The following CFAP299 variants were observed in gnomAD, a reference collection of about 807,000 sequenced individuals.
The protein encoded by CFAP299 is cilia and flagella associated protein 299.
A neutral mutation model predicts 27.0 loss-of-function variants in CFAP299; 21 were observed. The ratio of observed to expected loss-of-function variants is 0.78; its 90% confidence interval spans 0.55 to 1.12. CFAP299 has a LOEUF of 1.12. Ranked by LOEUF, CFAP299 falls within the 50% of genes most tolerant of loss-of-function variation. The probability of loss-of-function intolerance (pLI) is 0.00; values close to 1 mark genes in which losing one functional copy is unlikely to be tolerated. For synonymous variants in CFAP299, 104 were observed against 98.1 expected (o/e 1.06, Z -0.36); for missense variants, 310 against 276.6 (o/e 1.12, Z -0.86).
intron 3 of CFAP299, among the ~76,000 whole-genome samples, chr4:80,594,091 C>T (rs1255770571): frequency 6.6e-6 from 1 of 152,140 alleles, no homozygotes; most frequent in Admixed American, 6.6e-5. Context: ...TTACTATTTA[C>T]ACATGCTAGG....
chr4:80,475,288 T>C (rs1164528036), intron 2 of CFAP299, among the ~76,000 whole-genome samples: 1 of 152,106 alleles, frequency 6.6e-6, no homozygotes, highest in Non-Finnish European at 1.5e-5. Flanking sequence ...AATGTGCAGA[T>C]TATGGGGAGA....
chr4:80,339,040 G>A (rs1258940060), intron 1 of CFAP299, among the ~76,000 whole-genome samples: 2 of 152,164 alleles, frequency 1.3e-5, no homozygotes, highest in Non-Finnish European at 2.9e-5. Flanking sequence ...GCAGGGGGCT[G>A]GAAGGAAGTG....
rs1469620811 is a variant in CFAP299 at position 80,881,831 on chromosome 4, A to G, written c.476+11696A>G. Among the ~76,000 whole-genome samples, 7 of 152,338 alleles carry G rather than the reference A, an allele frequency of 4.6e-5. No homozygotes were observed. In the South Asian group the frequency reaches 8.3e-4, roughly 18 times the overall value. On this transcript the variant is annotated intron_variant, in intron 4 of 5. Transcript: ENST00000358105. Reference sequence around the variant, plus strand: ...AAGGTGCTCAGTGAGTTACAAGAGAACGTGGATAGACAGCTGAACATAATC... The same window carrying G: ...AAGGTGCTCAGTGAGTTACAAGAGAGCGTGGATAGACAGCTGAACATAATC...
chr4:80,558,098 G>C (rs945343190), intron 2 of CFAP299, among the ~76,000 whole-genome samples: 3 of 152,066 alleles, frequency 2.0e-5, no homozygotes, highest in Non-Finnish European at 2.9e-5. Context: ...TAGTATGAGA[G>C]AAATCCCAAT....
chr4:80,859,784 T>C (rs1732194750), intron 3 of CFAP299, among the ~76,000 whole-genome samples: 1 of 152,246 alleles, frequency 6.6e-6, no homozygotes, highest in Admixed American at 6.5e-5. Flanking sequence ...AATCCGCTTG[T>C]TAGTCTGATC....
At chr4:80,704,741 G>A (rs1391189778) in intron 3 of CFAP299, among the ~76,000 whole-genome samples, 1 of 151,704 alleles carries the variant, frequency 6.6e-6, no homozygotes, top group Non-Finnish European at 1.5e-5. Context: ...TATAATACCA[G>A]CTCTGACTGT....
intron 4 of CFAP299, among the ~76,000 whole-genome samples, chr4:80,878,905 G>T (rs73829181): frequency 0.011 from 1,702 of 152,174 alleles, 27 homozygotes; most frequent in African/African-American, 0.039. Flanking sequence ...GTCAGGTCAT[G>T]TCACAAATTT....
At chr4:80,668,544 T>A (rs1260380387) in intron 3 of CFAP299, among the ~76,000 whole-genome samples, 1 of 152,194 alleles carries the variant, frequency 6.6e-6, no homozygotes, top group Non-Finnish European at 1.5e-5. Flanking sequence ...CCAGCTCCAT[T>A]TATTAAAGAG....
chr4:80,697,859 A>C (rs551778002), intron 3 of CFAP299, among the ~76,000 whole-genome samples: 51 of 152,318 alleles, frequency 3.3e-4, no homozygotes, highest in African/African-American at 1.2e-3. Context: ...GATAATTTGG[A>C]GTGGAATGAG....
intron 2 of CFAP299, among the ~76,000 whole-genome samples, chr4:80,565,738 GAA>G (rs983933273): frequency 6.6e-6 from 1 of 151,300 alleles, no homozygotes; most frequent in African/African-American, 2.4e-5. Context: ...ATACTCTAAG[GAA>G]AAAAAAGATC....
chr4:80,946,310 C>T (rs745820653), intron 5 of CFAP299, among the ~76,000 whole-genome samples: 4 of 152,222 alleles, frequency 2.6e-5, no homozygotes, highest in Admixed American at 1.3e-4. Context: ...CCACAGTCAT[C>T]TGGGCCAGGG....
intron 2 of CFAP299, among the ~76,000 whole-genome samples, chr4:80,529,558 T>C (rs150775741): frequency 6.6e-6 from 1 of 152,332 alleles, no homozygotes; most frequent in East Asian, 1.9e-4. Flanking sequence ...GTTTAATCAA[T>C]GCTGAAATAC....
chr4:80,811,964 G>A (rs1203735856), intron 3 of CFAP299, among the ~76,000 whole-genome samples: 1 of 151,826 alleles, frequency 6.6e-6, no homozygotes, highest in Admixed American at 6.6e-5. Flanking sequence ...GCTTGAGGAA[G>A]GATTTTAAAG....
intron 3 of CFAP299, among the ~76,000 whole-genome samples, chr4:80,677,689 T>A (rs1719556935): frequency 1.3e-5 from 2 of 152,082 alleles, no homozygotes; most frequent in Admixed American, 6.5e-5. Flanking sequence ...TGCAAACTTA[T>A]GAGGAAAGAT....
intron 3 of CFAP299, among the ~76,000 whole-genome samples, chr4:80,666,479 C>T (rs1741145776): frequency 6.6e-6 from 1 of 151,278 alleles, no homozygotes; most frequent in African/African-American, 2.5e-5. Context: ...GATCCCAGCC[C>T]GTGTATCCCC....
intron 3 of CFAP299, among the ~76,000 whole-genome samples, chr4:80,856,778 C>G (rs1731924023): frequency 6.6e-6 from 1 of 151,944 alleles, no homozygotes; most frequent in African/African-American, 2.4e-5. Flanking sequence ...TGTTTTGGTA[C>G]CAGTACCATG....
chr4:80,963,667 CAG>C lies in CFAP299; in HGVS notation c.*58_*59del. On this transcript the variant is annotated 3_prime_UTR_variant, in exon 6 of 6. Coordinates refer to ENST00000358105, the MANE Select transcript of CFAP299 (RefSeq NM_152770.3). ...GCTAAATTTAAATAAATTCCGTAGA[CAG>C]AGCAAATTAGAATAATAAATGAGCC... The C allele has an allele frequency of 8.5e-7, 1 of 1,182,874 alleles. No individual in the cohort carries two copies. Among genetic ancestry groups the C allele is most frequent in the South Asian group, 1.3e-5 (1 of 76,584 alleles). The allele number at this position is 1,182,874 out of a possible 1,614,324, so 73.3% of individuals were successfully genotyped here.
At chr4:80,399,414 C>A (rs1300058250) in intron 2 of CFAP299, among the ~76,000 whole-genome samples, 3 of 152,030 alleles carry the variant, frequency 2.0e-5, no homozygotes, top group African/African-American at 7.2e-5. Flanking sequence ...CAGCACTATT[C>A]ACAATAGCAA....
At chr4:80,833,707 G>T (rs1338254170) in intron 3 of CFAP299, among the ~76,000 whole-genome samples, 1 of 152,152 alleles carries the variant, frequency 6.6e-6, no homozygotes, top group Non-Finnish European at 1.5e-5. Context: ...AATTTCAACT[G>T]CAAGTAAACA....
Sources: allele counts gnomAD v4.1 joint callset (sites outside exome capture counted in the v4.1 genomes callset), GRCh38; gene constraint gnomAD v4.1.1; transcripts MANE v1.5; gene names NCBI Gene and HGNC (gene_info 2026-07-23, HGNC 2026-07-21).